Variants in CD109 observed in about 807,000 individuals in gnomAD.
CD109 encodes the protein CD109 antigen.
Under a neutral mutation model 165.8 loss-of-function variants are expected in CD109, and 149 were observed. The ratio of observed to expected loss-of-function variants is 0.90; its 90% CI spans 0.79 to 1.03. The LOEUF is 1.03. Among genes scored for constraint, CD109 ranks in the 50% least tolerant of loss-of-function variants. The pLI is 0.00. For synonymous variants in CD109, 585 were observed against 592.1 expected, an observed-to-expected ratio of 0.99 and a Z score of 0.18; for missense variants, 1,712 against 1,677.8, an observed-to-expected ratio of 1.02 and a Z score of -0.36.
chr6:73,821,984 C>G (rs1247723323), intron 32 of CD109, among the ~76,000 whole-genome samples: 1 of 152,208 alleles, frequency 6.6e-6, no homozygotes, highest in African/African-American at 2.4e-5. Context: ...TTGAGGGAGT[C>G]TGGTGTTTTG....
At chr6:73,756,027 G>T (rs1466098484) in intron 5 of CD109, among the ~76,000 whole-genome samples, 1 of 152,010 alleles carries the variant, frequency 6.6e-6, no homozygotes, top group Non-Finnish European at 1.5e-5. Flanking sequence ...TAAATGATAC[G>T]ATAATAGCCC....
chr6:73,766,246 A>G (rs528493554), intron 11 of CD109, 92 bp downstream of exon 11: 135 of 962,380 alleles, frequency 1.4e-4, no homozygotes, highest in Non-Finnish European at 2.1e-4. Context: ...AACTGAAAGT[A>G]CATAGGAAGT....
intron 4 of CD109, among the ~76,000 whole-genome samples, chr6:73,731,301 G>A (rs1309601491): frequency 1.3e-5 from 2 of 152,216 alleles, no homozygotes; most frequent in Non-Finnish European, 2.9e-5. Context: ...AAGATGCTGG[G>A]ATTATAGGCG....
rs1773825174 is a variant in CD109, at chr6:73,765,948, G to A, written c.1126G>A (p.Asp376Asn). Residue 376 changes from aspartate (D) to asparagine (N), a missense_variant, in exon 11 of 33, where the codon GAT becomes AAT. By Grantham distance (23) the Asp-to-Asn change is conservative. Coordinates refer to ENST00000287097, the MANE Select transcript of CD109 (RefSeq NM_133493.5). Reference sequence around the variant, plus strand: ...CCATTAGGTGAAGGTAACTCGTGCTGATGGCAACCAACTGACTCTTGAAGA... The same window carrying A: ...CCATTAGGTGAAGGTAACTCGTGCTAATGGCAACCAACTGACTCTTGAAGA... The part of the protein sequence containing the change: ...FTATVKVTRA[D>N]GNQLTLEERR... The A allele has an allele frequency of 1.2e-6, 2 of 1,613,766 alleles. No individual in the cohort carries two copies. The highest frequency in any genetic ancestry group is 8.5e-7 in the Non-Finnish European group (1 of 1,179,794).
chr6:73,708,575 C>T (rs1256312305), intron 2 of CD109, among the ~76,000 whole-genome samples: 1 of 152,226 alleles, frequency 6.6e-6, no homozygotes, highest in Non-Finnish European at 1.5e-5. Flanking sequence ...AATCACCACC[C>T]TGTCTTCCAC....
At chr6:73,691,139 AAAG>A (rs772486259), upstream of CD109, among the ~76,000 whole-genome samples, 11 of 152,186 alleles carry the variant, frequency 7.2e-5, no homozygotes, top group Non-Finnish European at 1.3e-4. Flanking sequence ...CTTTCTGGAC[AAAG>A]AAGGAGCCAA....
chr6:73,794,837 A>G (rs1246402874), intron 23 of CD109, among the ~76,000 whole-genome samples: 1 of 152,272 alleles, frequency 6.6e-6, no homozygotes, highest in African/African-American at 2.4e-5. Context: ...AATTTCCTGT[A>G]TAGAGTTGCC....
chr6:73,706,673 A>AG (rs1771276928), intron 2 of CD109, among the ~76,000 whole-genome samples: 1 of 152,238 alleles, frequency 6.6e-6, no homozygotes, highest in South Asian at 2.1e-4. Context: ...GATTTGGTGG[A>AG]GGGGGTAGCA....
At chr6:73,736,337 C>A in intron 4 of CD109, 46 bp from the exon 5 acceptor site, 1 of 1,602,448 alleles carries the variant, frequency 6.2e-7, no homozygotes, top group Non-Finnish European at 8.5e-7. Context: ...GATACACATG[C>A]ACATGGGCAG....
intron 5 of CD109, among the ~76,000 whole-genome samples, chr6:73,746,536 A>G (rs1174755097): frequency 1.3e-5 from 2 of 152,118 alleles, no homozygotes; most frequent in East Asian, 1.9e-4. Context: ...AGAGGGTTAA[A>G]TGGGTGATTT....
intron 2 of CD109, among the ~76,000 whole-genome samples, chr6:73,702,298 AGC>A (rs1227762016): frequency 6.6e-6 from 1 of 152,202 alleles, no homozygotes; most frequent in Non-Finnish European, 1.5e-5. Context: ...TTGAGATATT[AGC>A]TGAAAAACTT....
chr6:73,811,173 A>C, intron 28 of CD109, 26 bp downstream of exon 28: 1 of 1,604,266 alleles, frequency 6.2e-7, no homozygotes, highest in South Asian at 1.1e-5. Context: ...AGTTATTTAA[A>C]AATCAGTGTA....
chr6:73,746,716 A>G (rs964187975), intron 5 of CD109, among the ~76,000 whole-genome samples: 13 of 152,124 alleles, frequency 8.5e-5, no homozygotes, highest in African/African-American at 2.9e-4. Context: ...CCTGGCCACT[A>G]TTCTGCTAAC....
chr6:73,784,200 C>A (rs6921996), intron 19 of CD109, among the ~76,000 whole-genome samples: 1 of 152,032 alleles, frequency 6.6e-6, no homozygotes, highest in South Asian at 2.1e-4. Context: ...TGTTCCCTAG[C>A]CAATATTCCA....
At chr6:73,704,625 G>A (rs1023607938) in intron 2 of CD109, among the ~76,000 whole-genome samples, 1 of 152,182 alleles carries the variant, frequency 6.6e-6, no homozygotes, top group Non-Finnish European at 1.5e-5. Context: ...ATAAGAATTT[G>A]GGCTGGGTTA....
chr6:73,786,527 A>G (rs991324559), intron 20 of CD109, among the ~76,000 whole-genome samples: 3 of 152,110 alleles, frequency 2.0e-5, no homozygotes, highest in African/African-American at 7.2e-5. Flanking sequence ...TCTAGAGTCT[A>G]AAGGCCTGGA....
At chr6:73,690,987 C>T (rs117188418), upstream of CD109, among the ~76,000 whole-genome samples, 1 of 152,050 alleles carries the variant, frequency 6.6e-6, no homozygotes, top group African/African-American at 2.4e-5. Context: ...CTCTACCTGA[C>T]CTCTCACCCC....
intron 6 of CD109, among the ~76,000 whole-genome samples, chr6:73,758,214 C>G (rs569234510): frequency 1.7e-4 from 26 of 151,886 alleles, no homozygotes; most frequent in African/African-American, 6.0e-4. Context: ...TGATACTTCT[C>G]TTATGTTAAT....
rs547172468 is a variant in CD109, at chr6:73,777,278, A to C, written c.1828-3146A>C. On this transcript the variant is annotated intron_variant, in intron 15 of 32. Transcript: ENST00000287097. ...CCTGGCCCCTTTGCTGGCTTAAAAA[A>C]ATTTTTTTTTTCTTGTAAATTTGTT... Among the ~76,000 whole-genome samples, 26 of 126,234 alleles carry C rather than the reference A, an allele frequency of 2.1e-4. 1 individual carries two copies. The East Asian group carries it at 6.2e-3, about 30-fold the overall frequency. The allele number at this position is 126,234 out of a possible 152,430, so 82.8% of individuals were successfully genotyped here. A position where few individuals can be genotyped will look rare whatever the true frequency, so the allele number is the denominator to read the frequency against.
Sources: allele counts gnomAD v4.1 joint callset (sites outside exome capture counted in the v4.1 genomes callset), GRCh38; gene constraint gnomAD v4.1.1; transcripts MANE v1.5; gene names NCBI Gene and HGNC (gene_info 2026-07-23, HGNC 2026-07-21).